The following RBM19 variants were observed in gnomAD, a reference collection of about 807,000 sequenced individuals.
RBM19 encodes the protein probable RNA-binding protein 19.
In RBM19, 94 loss-of-function variants were observed where a neutral mutation model predicts 116.8. The ratio of observed to expected loss-of-function variants is 0.80; its 90% confidence interval spans 0.68 to 0.95. The LOEUF (loss-of-function observed/expected upper bound fraction) is 0.95. RBM19 is among the 40% of genes least tolerant of loss of function. The pLI is 0.00. For missense variants in RBM19, 1,161 were observed against 1,220.7 expected, an observed-to-expected ratio of 0.95 and a Z score of 0.73; for synonymous variants, 475 against 494.1, an observed-to-expected ratio of 0.96 and a Z score of 0.51.
intron 9 of RBM19, among the ~76,000 whole-genome samples, chr12:113,949,437 G>A (rs945976690): frequency 2.3e-4 from 35 of 152,148 alleles, no homozygotes; most frequent in African/African-American, 8.0e-4. Flanking sequence ...CCTGATTAGG[G>A]TGCTATTATC....
intron 21 of RBM19, among the ~76,000 whole-genome samples, chr12:113,861,753 C>G (rs2135746889): frequency 6.6e-6 from 1 of 152,114 alleles, no homozygotes; most frequent in Middle Eastern, 3.4e-3. Context: ...TTGTGGCCTG[C>G]AAAAGTGGCA....
chr12:113,844,780 G>A lies in RBM19; in HGVS notation c.2673C>T (p.Phe891=). 1 of 1,612,662 alleles carries A rather than the reference G, an allele frequency of 6.2e-7. No individual in the cohort carries two copies. The highest frequency in any genetic ancestry group is 8.5e-7 in the Non-Finnish European group (1 of 1,179,334). ...FLTKQDAKRA[F]NALCHSTHLY... ...AGTGGGTGCTGTGACACAGGGCGTT[G>A]AAGGCTCTCTGCAGAGGGACAAGAA... Residue 891 remains phenylalanine (F), a synonymous_variant, in exon 23 of 24, where the codon TTC becomes TTT. Transcript: ENST00000261741.
At chr12:113,951,615 C>A (rs1431060492) in intron 8 of RBM19, among the ~76,000 whole-genome samples, 2 of 152,200 alleles carry the variant, frequency 1.3e-5, no homozygotes, top group African/African-American at 4.8e-5. Flanking sequence ...TACCTGAGAT[C>A]TGCACTTAGG....
chr12:113,925,124 A>G (rs1225963973), intron 17 of RBM19, among the ~76,000 whole-genome samples: 2 of 152,088 alleles, frequency 1.3e-5, no homozygotes, highest in East Asian at 3.9e-4. Context: ...TTTTTACAGA[A>G]ATTTTAAGTC....
At chr12:113,932,751 T>C (rs1869714114) in intron 16 of RBM19, 1 of 151,964 alleles carries the variant, frequency 6.6e-6, no homozygotes. Flanking sequence ...CTCAAACAGA[T>C]GTTTGCCAAC....
rs1769195468 is a variant in RBM19 at position 113,825,647 on chromosome 12, G to A, written c.2786-2326C>T. Among the ~76,000 whole-genome samples, 1 of 152,154 alleles carries A rather than the reference G, an allele frequency of 6.6e-6. No individual in the cohort carries two copies. Among genetic ancestry groups the A allele is most frequent in the South Asian group, 2.1e-4 (1 of 4,828 alleles). On this transcript the variant is annotated intron_variant, in intron 23 of 23. Transcript: ENST00000261741. The surrounding 1 kb of genome is among the most constrained non-coding windows in gnomAD (Gnocchi z 5.7). ...TGGGGTCTAAGGGATGGCCAGCGGTGGCGGCATGGGACTTTTTCTTCTCTC... is the reference window on the plus strand; with the variant it reads ...TGGGGTCTAAGGGATGGCCAGCGGTAGCGGCATGGGACTTTTTCTTCTCTC...
At chr12:113,882,172 A>G (rs1402942609) in intron 21 of RBM19, among the ~76,000 whole-genome samples, 1 of 152,214 alleles carries the variant, frequency 6.6e-6, no homozygotes, top group African/African-American at 2.4e-5. Flanking sequence ...GGTGTGTAGG[A>G]GAGATAGGTG....
downstream of RBM19, among the ~76,000 whole-genome samples, chr12:113,819,627 A>G (rs1874287903): frequency 6.6e-6 from 1 of 152,136 alleles, no homozygotes; most frequent in Non-Finnish European, 1.5e-5. Context: ...TTCAAAAACA[A>G]CCGAAGCCGC....
intron 18 of RBM19, among the ~76,000 whole-genome samples, chr12:113,922,265 C>T (rs566302064): frequency 6.6e-6 from 1 of 152,330 alleles, no homozygotes; most frequent in East Asian, 1.9e-4. Context: ...CCCTTCCTTA[C>T]AGACATCTCT....
chr12:113,878,504 G>A (rs936636450), intron 21 of RBM19, among the ~76,000 whole-genome samples: 14 of 152,128 alleles, frequency 9.2e-5, no homozygotes, highest in Admixed American at 5.2e-4. Context: ...ACCTGGCATC[G>A]GCCATCGCAG....
At chr12:113,918,344 AG>A in intron 20 of RBM19, 47 bp downstream of exon 20, 2 of 1,602,122 alleles carry the variant, frequency 1.2e-6, no homozygotes, top group African/African-American at 1.3e-5. Context: ...CACCAAGCAC[AG>A]GAAGCCCCAG....
intron 21 of RBM19, among the ~76,000 whole-genome samples, chr12:113,869,893 G>A (rs577839123): frequency 5.9e-5 from 9 of 152,326 alleles, no homozygotes; most frequent in African/African-American, 2.2e-4. Flanking sequence ...GGTGAACATT[G>A]TGCCTAACTT....
intron 16 of RBM19, among the ~76,000 whole-genome samples, chr12:113,934,999 C>A (rs1235414531): frequency 6.6e-6 from 1 of 152,192 alleles, no homozygotes; most frequent in East Asian, 1.9e-4. Context: ...AAGGAGACAG[C>A]CCCATTCCCT....
intron 21 of RBM19, among the ~76,000 whole-genome samples, chr12:113,859,548 G>A (rs1323246406): frequency 6.6e-6 from 1 of 152,150 alleles, no homozygotes; most frequent in Non-Finnish European, 1.5e-5. Flanking sequence ...AGAAGAAAAT[G>A]GCTTGGCTCC....
chr12:113,944,377 T>C (rs149221504), intron 13 of RBM19, among the ~76,000 whole-genome samples: 60 of 152,038 alleles, frequency 3.9e-4, no homozygotes, highest in Non-Finnish European at 7.1e-4. Context: ...GGTTTATAGG[T>C]GTGAGCCACC....
chr12:113,959,232 CCCT>C lies in RBM19; in HGVS notation c.548_550del (p.Glu183del). 5 of 1,612,020 alleles carry C rather than the reference CCCT, an allele frequency of 3.1e-6. No individual in the cohort carries two copies. The highest frequency in any genetic ancestry group is 4.2e-6 in the Non-Finnish European group (5 of 1,179,220). On this transcript the variant is annotated inframe_deletion, in exon 5 of 24. Coordinates refer to ENST00000261741, the MANE Select transcript of RBM19 (RefSeq NM_016196.4). ...CTCACCTTCCAGGTCCTCCCCGGCT[CCCT>C]CCTCCTCACTCTCCTGCCCAGAATC...
intron 23 of RBM19, among the ~76,000 whole-genome samples, chr12:113,833,411 T>G (rs146665182): frequency 2.0e-5 from 3 of 152,308 alleles, no homozygotes; most frequent in African/African-American, 7.2e-5. Flanking sequence ...GGTCTGACAG[T>G]GTGAATTGGG....
At chr12:113,817,077 T>C (rs1482146129), downstream of RBM19, 1 of 152,190 alleles carries the variant, frequency 6.6e-6, no homozygotes, top group Non-Finnish European at 1.5e-5. Flanking sequence ...CACTAATCCT[T>C]TCCTAGACGC....
intron 23 of RBM19, among the ~76,000 whole-genome samples, chr12:113,836,389 C>T (rs1875889590): frequency 2.6e-5 from 4 of 152,132 alleles, no homozygotes; most frequent in African/African-American, 9.7e-5. Context: ...AAGCCCTGTC[C>T]TTCGCTGTTC....
Sources: gnomAD v4.1 joint callset for allele counts (sites outside exome capture counted in the v4.1 genomes callset) on GRCh38, gnomAD v4.1.1 for gene constraint, Gnocchi (gnomAD v3.1) non-coding constraint, MANE v1.5 for transcripts, NCBI Gene and HGNC (gene_info 2026-07-23, HGNC 2026-07-21) for gene names.